FGD4: variants seen among roughly 807,000 people sequenced by gnomAD.
The protein encoded by FGD4 is FYVE, RhoGEF and PH domain-containing protein 4.
A neutral mutation model predicts 102.0 loss-of-function variants in FGD4; 42 were observed. The ratio of observed to expected loss-of-function variants is 0.41; its 90% confidence interval spans 0.32 to 0.53. The LOEUF is 0.53. Among genes scored for constraint, FGD4 ranks in the 20% least tolerant of loss-of-function variants. The probability of loss-of-function intolerance (pLI) is 0.21; values close to 1 mark genes in which losing one functional copy is unlikely to be tolerated. For missense variants in FGD4, 902 were observed against 1,078.2 expected (o/e 0.84, Z 2.29); for synonymous variants, 380 against 375.7 (o/e 1.01, Z -0.13).
At chr12:32,634,505 A>G (rs1950678992) in intron 15 of FGD4, among the ~76,000 whole-genome samples, 1 of 151,902 alleles carries the variant, frequency 6.6e-6, no homozygotes, top group Admixed American at 6.6e-5. Context: ...CCCCCACCCC[A>G]AGCCTGAGAA....
chr12:32,486,703 A>G (rs1000178698), intron 1 of FGD4, among the ~76,000 whole-genome samples: 60 of 152,170 alleles, frequency 3.9e-4, no homozygotes, highest in Admixed American at 2.0e-4. Context: ...TTGAAATAAC[A>G]TTATCTGATT....
At chr12:32,590,610 C>G (rs1374422559) in intron 4 of FGD4, among the ~76,000 whole-genome samples, 1 of 152,148 alleles carries the variant, frequency 6.6e-6, no homozygotes, top group African/African-American at 2.4e-5. Flanking sequence ...GGTTTGAATC[C>G]TGGCTCATTC....
intron 1 of FGD4, among the ~76,000 whole-genome samples, chr12:32,497,873 G>A (rs1440506550): frequency 6.6e-6 from 1 of 152,150 alleles, no homozygotes. Context: ...TTTCCTTCTG[G>A]AAAATAAATG....
At chr12:32,412,512 CCACACCT>C (rs1248906686) in intron 1 of FGD4, among the ~76,000 whole-genome samples, 1 of 152,070 alleles carries the variant, frequency 6.6e-6, no homozygotes, top group African/African-American at 2.4e-5. Context: ...GTATGGTGGC[CCACACCT>C]GTGTTCCAGC....
intron 11 of FGD4, among the ~76,000 whole-genome samples, chr12:32,620,799 G>T (rs1004684665): frequency 6.8e-6 from 1 of 147,598 alleles, no homozygotes; most frequent in Non-Finnish European, 1.5e-5. Context: ...CCGGGTTCAC[G>T]CCATTCTCCT....
chr12:32,410,303 G>T (rs1016646728), intron 1 of FGD4, among the ~76,000 whole-genome samples: 1 of 151,790 alleles, frequency 6.6e-6, no homozygotes, highest in African/African-American at 2.4e-5. Flanking sequence ...ACTCCAGCCT[G>T]GGCGACACAG....
intron 1 of FGD4, among the ~76,000 whole-genome samples, chr12:32,532,478 A>T (rs1046051768): frequency 6.6e-6 from 1 of 152,172 alleles, no homozygotes; most frequent in Admixed American, 6.5e-5. Context: ...CTTCTGTAAG[A>T]TGGTGATAAA....
chr12:32,615,847 C>T (rs1949419435), intron 10 of FGD4, among the ~76,000 whole-genome samples: 1 of 152,006 alleles, frequency 6.6e-6, no homozygotes, highest in African/African-American at 2.4e-5. Context: ...TGTCCTGGCC[C>T]TGAGGTGATT....
At chr12:32,416,773 CT>C (rs1941431341) in intron 1 of FGD4, among the ~76,000 whole-genome samples, 1 of 152,142 alleles carries the variant, frequency 6.6e-6, no homozygotes, top group Non-Finnish European at 1.5e-5. Flanking sequence ...AGTCTTTCTA[CT>C]TAAGAGTATT....
chr12:32,601,552 T>G, intron 6 of FGD4, 129 bp downstream of exon 6: 1 of 1,123,804 alleles, frequency 8.9e-7, no homozygotes, highest in Non-Finnish European at 1.2e-6. Context: ...CATTAAAGAC[T>G]ACTGATAGAA....
At chr12:32,442,983 A>G (rs1450406665) in intron 1 of FGD4, among the ~76,000 whole-genome samples, 1 of 152,148 alleles carries the variant, frequency 6.6e-6, no homozygotes, top group Non-Finnish European at 1.5e-5. Flanking sequence ...TGTTGTCTTG[A>G]CAGATGTCTA....
intron 3 of FGD4, among the ~76,000 whole-genome samples, chr12:32,577,692 A>C (rs1565863365): frequency 6.6e-6 from 1 of 152,214 alleles, no homozygotes; most frequent in African/African-American, 2.4e-5. Context: ...GATTTATAGG[A>C]CCTTTGCTAT....
intron 1 of FGD4, among the ~76,000 whole-genome samples, chr12:32,535,808 G>C (rs1277173930): frequency 1.3e-5 from 2 of 152,188 alleles, no homozygotes; most frequent in Non-Finnish European, 2.9e-5. Context: ...CTCTTAATTA[G>C]AGAGGAAAAT....
At chr12:32,518,097 C>A (rs531716258) in intron 1 of FGD4, among the ~76,000 whole-genome samples, 1 of 152,166 alleles carries the variant, frequency 6.6e-6, no homozygotes, top group African/African-American at 2.4e-5. Context: ...TCAGGATTGA[C>A]GTGTGTAGAC....
Position 32,598,346 on chromosome 12 carries a change from T to C in FGD4, c.1012-151T>C, listed in dbSNP as rs1184432345. 5.0e-6 allele frequency: 3 copies of C among 603,694 alleles called. No homozygotes were observed. The East Asian group carries it at 8.4e-5, about 17-fold the overall frequency. The allele number at this position is 603,694 out of a possible 1,614,324, so 37.4% of individuals were successfully genotyped here. On this transcript the variant is annotated intron_variant, in intron 4 of 16. Transcript: ENST00000534526. ...GCTAATTTCTAATTTTGTTCATTTC[T>C]GGTTTGACATCTCTTGATGGCTGAA...
chr12:32,475,389 G>A (rs1943558857), intron 1 of FGD4, among the ~76,000 whole-genome samples: 1 of 152,160 alleles, frequency 6.6e-6, no homozygotes, highest in Non-Finnish European at 1.5e-5. Flanking sequence ...TTAAGATAGG[G>A]CTTTCTTTAC....
intron 1 of FGD4, among the ~76,000 whole-genome samples, chr12:32,444,232 C>T (rs769324313): frequency 5.9e-5 from 9 of 152,062 alleles, no homozygotes; most frequent in Non-Finnish European, 1.0e-4. Context: ...CTATGTTGCC[C>T]AGGCTAGTCT....
rs35186090 is a variant in FGD4 at position 32,579,039 on chromosome 12, G to GTTTTTTTT, written c.503+2607_503+2614dup. ...GTTTCTACAGACCTGAACATTAGTG[G>GTTTTTTTT]TTTTTTTTTTTTTTTTTTTTTTTTG... On this transcript the variant is annotated intron_variant, in intron 3 of 16. Coordinates refer to ENST00000534526, the MANE Select transcript of FGD4 (RefSeq NM_001370298.3). Among the ~76,000 whole-genome samples, 294 of 66,144 alleles carry GTTTTTTTT rather than the reference G, an allele frequency of 4.4e-3. 19 individuals are homozygous for GTTTTTTTT. The highest frequency in any genetic ancestry group is 7.1e-3 in the African/African-American group (110 of 15,404). 43.4% of individuals were successfully genotyped at this position (66,144 alleles called of 152,430 possible). A position where few individuals can be genotyped will look rare whatever the true frequency, so the allele number is the denominator to read the frequency against.
At chr12:32,600,592 CT>C (rs1181093585) in intron 5 of FGD4, 16,010 of 199,242 alleles carry the variant, frequency 0.08, no homozygotes, top group South Asian at 0.14. Context: ...TTCTTTCTTT[CT>C]TTTTTTTTTT....
Sources: allele counts gnomAD v4.1 joint callset (sites outside exome capture counted in the v4.1 genomes callset), GRCh38; gene constraint gnomAD v4.1.1; transcripts MANE v1.5; gene names NCBI Gene and HGNC (gene_info 2026-07-23, HGNC 2026-07-21).